Variants in RBCK1 observed in about 807,000 individuals in gnomAD.
The protein encoded by RBCK1 is RANBP2-type and C3HC4-type zinc finger containing 1.
A neutral mutation model predicts 71.1 loss-of-function variants in RBCK1; 44 were observed. That is an observed-to-expected ratio of 0.62 (90% CI 0.49 to 0.80). The LOEUF is 0.80. Among genes scored for constraint, RBCK1 ranks in the 30% least tolerant of loss-of-function variants. RBCK1 has a pLI of 0.00. For missense variants in RBCK1, 569 were observed against 685.0 expected (o/e 0.83, Z 1.89); for synonymous variants, 306 against 279.7 (o/e 1.09, Z -0.94).
intron 8 of RBCK1, among the ~76,000 whole-genome samples, chr20:426,983 C>A (rs917087069): frequency 6.7e-6 from 1 of 149,694 alleles, no homozygotes; most frequent in Non-Finnish European, 1.5e-5. Flanking sequence ...GAGCACCACA[C>A]CTGGTTATTT....
chr20:425,813 G>C (rs2016682355), intron 8 of RBCK1, among the ~76,000 whole-genome samples: 1 of 152,066 alleles, frequency 6.6e-6, no homozygotes, highest in African/African-American at 2.4e-5. Flanking sequence ...TTTTAGTAGA[G>C]ATGGGGTTTC....
At chr20:423,914 G>C (rs2016571204) in intron 8 of RBCK1, among the ~76,000 whole-genome samples, 1 of 152,204 alleles carries the variant, frequency 6.6e-6, no homozygotes, top group Non-Finnish European at 1.5e-5. Flanking sequence ...CCCACCAGCA[G>C]GCTGCCCGGG....
chr20:422,051 C>T lies in RBCK1; in HGVS notation c.918-76C>T. The T allele has an allele frequency of 8.4e-7, 1 of 1,196,404 alleles. No individual in the cohort carries two copies. Among genetic ancestry groups the T allele is most frequent in the Non-Finnish European group, 1.2e-6 (1 of 823,254 alleles). The allele number at this position is 1,196,404 out of a possible 1,614,324, so 74.1% of individuals were successfully genotyped here. ...CTGAGTGAGGCCCCTGGGGTCAGGC[C>T]TTGCCATGTGAGGGATGGAGTCCCC... On this transcript the variant is annotated intron_variant, in intron 7 of 11. Coordinates refer to ENST00000356286, the MANE Select transcript of RBCK1 (RefSeq NM_031229.4). The surrounding 1 kb of genome is among the most constrained non-coding windows in gnomAD (Gnocchi z 5.0).
In RBCK1 at chr20:417,988, G is replaced by T; in HGVS notation, c.460+58G>T. ...GCGGGGGCCCTGGACTCACTTGAGG[G>T]CATAGGGCAAGCAGGGGCAGAGCCC... On this transcript the variant is annotated intron_variant, in intron 4 of 11. Coordinates refer to ENST00000356286, the MANE Select transcript of RBCK1 (RefSeq NM_031229.4). This position sits in a 1 kb window ranked among gnomAD's most constrained non-coding sequence, Gnocchi z 4.7. 1.3e-6 allele frequency: 2 copies of T among 1,527,040 alleles called. No individual in the cohort carries two copies. Among genetic ancestry groups the T allele is most frequent in the South Asian group, 1.2e-5 (1 of 84,384 alleles). 94.6% of individuals were successfully genotyped at this position (1,527,040 alleles called of 1,614,324 possible). A position where few individuals can be genotyped will look rare whatever the true frequency, so the allele number is the denominator to read the frequency against.
chr20:428,883 C>T lies in RBCK1; in HGVS notation c.1309-68C>T, dbSNP rs1023190144. On this transcript the variant is annotated intron_variant, in intron 10 of 11. Coordinates refer to ENST00000356286, the MANE Select transcript of RBCK1 (RefSeq NM_031229.4). This position sits in a 1 kb window ranked among gnomAD's most constrained non-coding sequence, Gnocchi z 5.7. ...TAGAGGGTCACCACCTTCTCCCTGC[C>T]ATGGGGAGGGGCCAGGCTGGGTGAC... is the stretch of plus-strand genomic sequence containing the variant. 5.9e-6 allele frequency: 9 copies of T among 1,521,600 alleles called. No homozygotes were observed. In the African/African-American group the frequency reaches 1.2e-4, roughly 21 times the overall value. 94.3% of individuals were successfully genotyped at this position (1,521,600 alleles called of 1,614,324 possible). A position where few individuals can be genotyped will look rare whatever the true frequency, so the allele number is the denominator to read the frequency against.
intron 2 of RBCK1, among the ~76,000 whole-genome samples, chr20:414,889 C>T (rs910592917): frequency 5.9e-5 from 9 of 152,084 alleles, no homozygotes; most frequent in African/African-American, 2.2e-4. Context: ...GAACTTTTCA[C>T]GTGGAAAATG....
In RBCK1 at chr20:430,756, T is replaced by C. The variant is rs976084235; in HGVS notation, c.*326T>C. ...CTCATCTGTCAAACACCAAGCACTC[T>C]CAGCCTCCCCGCCTTCAGCTGTCAG... is the stretch of plus-strand genomic sequence containing the variant. On this transcript the variant is annotated 3_prime_UTR_variant, in exon 12 of 12. Transcript: ENST00000356286. This position sits in a 1 kb window ranked among gnomAD's most constrained non-coding sequence, Gnocchi z 5.6. 1.9e-5 allele frequency: 6 copies of C among 319,618 alleles called. No individual in the cohort carries two copies. The highest frequency in any genetic ancestry group is 8.6e-5 in the African/African-American group (4 of 46,708). The allele number at this position is 319,618 out of a possible 1,614,324, so 19.8% of individuals were successfully genotyped here.
At position 422,031 on chromosome 20, in the gene RBCK1, T is replaced by G; in HGVS notation, c.918-96T>G. On this transcript the variant is annotated intron_variant, in intron 7 of 11. Transcript: ENST00000356286. This position sits in a 1 kb window ranked among gnomAD's most constrained non-coding sequence, Gnocchi z 5.0. Reference sequence around the variant, plus strand: ...GAGAAGTCCACCTGGGGTGACTGAGTGAGGCCCCTGGGGTCAGGCCTTGCC... The same window carrying G: ...GAGAAGTCCACCTGGGGTGACTGAGGGAGGCCCCTGGGGTCAGGCCTTGCC... The G allele has an allele frequency of 1.1e-6, 1 of 889,186 alleles. No individual in the cohort carries two copies. Among genetic ancestry groups the G allele is most frequent in the East Asian group, 2.5e-5 (1 of 39,962 alleles). 55.1% of individuals were successfully genotyped at this position (889,186 alleles called of 1,614,324 possible). A position where few individuals can be genotyped will look rare whatever the true frequency, so the allele number is the denominator to read the frequency against.
Position 431,567 on chromosome 20 carries a change from A to T in RBCK1, c.*1137A>T, listed in dbSNP as rs917865656. The stretch of plus-strand genomic sequence containing the variant: ...TTGTCCACGCTGTGACGTGACCATC[A>T]TCATAGCAGGCAGAGGGCGCCTCTG... On this transcript the variant is annotated 3_prime_UTR_variant, in exon 12 of 12. Coordinates refer to ENST00000356286, the MANE Select transcript of RBCK1 (RefSeq NM_031229.4). This position sits in a 1 kb window ranked among gnomAD's most constrained non-coding sequence, Gnocchi z 4.8. Among the ~76,000 whole-genome samples the T allele has an allele frequency of 2.0e-5, 3 of 152,146 alleles. No individual in the cohort carries two copies. Among genetic ancestry groups the T allele is most frequent in the Admixed American group, 6.5e-5 (1 of 15,278 alleles).
rs2016490054 is a variant in RBCK1, at chr20:422,373, T to C, written c.1029+135T>C. On this transcript the variant is annotated intron_variant, in intron 8 of 11. Coordinates refer to ENST00000356286, the MANE Select transcript of RBCK1 (RefSeq NM_031229.4). The surrounding 1 kb of genome is among the most constrained non-coding windows in gnomAD (Gnocchi z 5.0). Reference sequence around the variant, plus strand: ...GGTCTCACTATGTTGTCCAAGCTGGTCTCAAACTCCTGGGCTTAAGCGATC... The same window carrying C: ...GGTCTCACTATGTTGTCCAAGCTGGCCTCAAACTCCTGGGCTTAAGCGATC... 2 of 708,170 alleles carry C rather than the reference T, an allele frequency of 2.8e-6. No individual in the cohort carries two copies. Among genetic ancestry groups the C allele is most frequent in the African/African-American group, 3.6e-5 (2 of 55,918 alleles). 43.9% of individuals were successfully genotyped at this position (708,170 alleles called of 1,614,324 possible).
chr20:428,641 G>GT lies in RBCK1; in HGVS notation c.1308+53dup. ...AGGGATTTTAAGTTCTGGGATCCAGGTGGGGGCTGGGGGCTTCCCAGTAAG... is the reference window on the plus strand; with the variant it reads ...AGGGATTTTAAGTTCTGGGATCCAGGTTGGGGGCTGGGGGCTTCCCAGTAAG... On this transcript the variant is annotated intron_variant, in intron 10 of 11. Transcript: ENST00000356286. This position sits in a 1 kb window ranked among gnomAD's most constrained non-coding sequence, Gnocchi z 5.7. 6.5e-7 allele frequency: 1 copy of GT among 1,533,922 alleles called. No individual in the cohort carries two copies. Among genetic ancestry groups the GT allele is most frequent in the South Asian group, 1.2e-5 (1 of 80,910 alleles).
chr20:410,690 A>T, intron 2 of RBCK1: 1 of 635,702 alleles, frequency 1.6e-6, no homozygotes, highest in South Asian at 1.8e-5. Flanking sequence ...AGGAGACTTA[A>T]ACTCAATGCT....
At chr20:408,836 A>G (rs1368782738) in intron 1 of RBCK1, 57 bp downstream of exon 1, 5 of 1,581,618 alleles carry the variant, frequency 3.2e-6, no homozygotes, top group Non-Finnish European at 4.3e-6. Flanking sequence ...GCCCCGCAGG[A>G]CCTGGCCTTG....
rs960030020 is a variant in RBCK1 at position 420,310 on chromosome 20, CTAA to C, written c.757-559_757-557del. 17 of 984,918 alleles carry C rather than the reference CTAA, an allele frequency of 1.7e-5. No individual in the cohort carries two copies. In the African/African-American group the frequency reaches 2.6e-4, roughly 15 times the overall value. 61.0% of individuals were successfully genotyped at this position (984,918 alleles called of 1,614,324 possible). On this transcript the variant is annotated intron_variant, in intron 6 of 11. Transcript: ENST00000356286. ...CCCCGCCCCCATCGTGACACACGCA[CTAA>C]TGACACAGACATTGATCCCCGAGTG...
intron 2 of RBCK1, among the ~76,000 whole-genome samples, chr20:413,917 CAAA>C (rs10706664): frequency 1.9e-4 from 22 of 114,620 alleles, no homozygotes; most frequent in Admixed American, 2.7e-4. Flanking sequence ...GACAAATCAC[CAAA>C]AAAAAAAAAA....
chr20:430,138 C>T lies in RBCK1; in HGVS notation c.1453-212C>T, dbSNP rs1410798106. ...ATATGCAGAGTGGTCAGATCCTCTC[C>T]CTGGCCTGTTCCCGGATCTAGGCGT... On this transcript the variant is annotated intron_variant, in intron 11 of 11. Transcript: ENST00000356286. This position sits in a 1 kb window ranked among gnomAD's most constrained non-coding sequence, Gnocchi z 5.6. 6.6e-6 allele frequency among the ~76,000 whole-genome samples: 1 copy of T among 152,228 alleles called. No homozygotes were observed. Among genetic ancestry groups the T allele is most frequent in the Non-Finnish European group, 1.5e-5 (1 of 68,038 alleles).
In RBCK1 at chr20:417,659, C is replaced by G. The variant is rs374913274; in HGVS notation, c.261+40C>G. On this transcript the variant is annotated intron_variant, in intron 3 of 11. Coordinates refer to ENST00000356286, the MANE Select transcript of RBCK1 (RefSeq NM_031229.4). This position sits in a 1 kb window ranked among gnomAD's most constrained non-coding sequence, Gnocchi z 4.7. ...GGAGGGCGACACTGGGGTGAAGGCTCTCCCTTTCACTCCTGCTTCCTCTCT... is the reference window on the plus strand; with the variant it reads ...GGAGGGCGACACTGGGGTGAAGGCTGTCCCTTTCACTCCTGCTTCCTCTCT... 1.1e-5 allele frequency: 18 copies of G among 1,604,278 alleles called. No individual in the cohort carries two copies. The African/African-American group carries it at 2.3e-4, about 20-fold the overall frequency.
At chr20:416,121 G>T (rs1168243496) in intron 2 of RBCK1, among the ~76,000 whole-genome samples, 1 of 149,498 alleles carries the variant, frequency 6.7e-6, no homozygotes, top group Admixed American at 6.7e-5. Context: ...GTAACTGGTA[G>T]TTAGAGATAA....
intron 8 of RBCK1, among the ~76,000 whole-genome samples, chr20:426,816 C>CTTTTTTTT (rs768525416): frequency 1.0e-5 from 1 of 95,508 alleles, no homozygotes; most frequent in African/African-American, 5.3e-5. Flanking sequence ...TTTTCTTTTC[C>CTTTTTTTT]TTTTTTTTTT....
Sources: gnomAD v4.1 joint callset for allele counts (sites outside exome capture counted in the v4.1 genomes callset) on GRCh38, gnomAD v4.1.1 for gene constraint, Gnocchi (gnomAD v3.1) non-coding constraint, MANE v1.5 for transcripts, NCBI Gene and HGNC (gene_info 2026-07-23, HGNC 2026-07-21) for gene names.